The following SLC7A2 variants were observed in gnomAD, a reference collection of about 807,000 sequenced individuals.
SLC7A2 encodes the protein solute carrier family 7 member 2.
SLC7A2 carries 48 observed loss-of-function variants against 58.9 expected under a neutral mutation model. That is an observed-to-expected ratio of 0.82 (90% CI 0.65 to 1.04). SLC7A2 has a LOEUF of 1.04. Among genes scored for constraint, SLC7A2 ranks in the 50% least tolerant of loss-of-function variants. SLC7A2 has a pLI of 0.00. For synonymous variants in SLC7A2, 363 were observed against 314.5 expected (o/e 1.15, Z -1.63); for missense variants, 1,029 against 818.8 (o/e 1.26, Z -3.13).
chr8:17,540,255 C>G (rs182319579), intron 2 of SLC7A2, among the ~76,000 whole-genome samples: 7 of 152,258 alleles, frequency 4.6e-5, no homozygotes, highest in Admixed American at 3.3e-4. Context: ...TGCATTGTGG[C>G]TTTTGCAATC....
intron 4 of SLC7A2, among the ~76,000 whole-genome samples, chr8:17,547,139 AAG>A (rs747567253): frequency 1.3e-5 from 2 of 152,208 alleles, no homozygotes; most frequent in Non-Finnish European, 2.9e-5. Context: ...AGAAATACCC[AAG>A]ACTTGGTAAT....
At chr8:17,549,721 G>A (rs960111886) in intron 5 of SLC7A2, among the ~76,000 whole-genome samples, 2 of 152,248 alleles carry the variant, frequency 1.3e-5, no homozygotes, top group African/African-American at 4.8e-5. Context: ...ACACCTGTAT[G>A]TTTTTCTTGA....
intron 2 of SLC7A2, among the ~76,000 whole-genome samples, chr8:17,521,038 C>T (rs1003161720): frequency 1.3e-5 from 2 of 151,974 alleles, no homozygotes; most frequent in African/African-American, 4.8e-5. Flanking sequence ...CACATAGTAC[C>T]ATAATGATAG....
chr8:17,503,094 A>C (rs970864966), intron 2 of SLC7A2, among the ~76,000 whole-genome samples: 1 of 152,058 alleles, frequency 6.6e-6, no homozygotes, highest in Non-Finnish European at 1.5e-5. Context: ...TCTGTCACCC[A>C]GGCTGGAGTG....
At chr8:17,542,512 G>A (rs896478740) in intron 2 of SLC7A2, among the ~76,000 whole-genome samples, 5 of 152,118 alleles carry the variant, frequency 3.3e-5, no homozygotes, top group South Asian at 2.1e-4. Flanking sequence ...TTACCCGAGC[G>A]TGGTGGCACA....
chr8:17,516,971 A>G (rs1479482536), intron 2 of SLC7A2, among the ~76,000 whole-genome samples: 1 of 152,206 alleles, frequency 6.6e-6, no homozygotes, highest in African/African-American at 2.4e-5. Flanking sequence ...TGTCCCCACA[A>G]TCAACACTGA....
intron 8 of SLC7A2, among the ~76,000 whole-genome samples, chr8:17,557,270 T>C (rs1802751332): frequency 6.6e-6 from 1 of 152,230 alleles, no homozygotes; most frequent in Admixed American, 6.5e-5. Context: ...CAGAAAACTA[T>C]ATGCTAAATT....
At chr8:17,521,120 T>A (rs954525808) in intron 2 of SLC7A2, among the ~76,000 whole-genome samples, 4 of 150,726 alleles carry the variant, frequency 2.7e-5, no homozygotes, top group African/African-American at 7.5e-5. Flanking sequence ...TCTTCTACTA[T>A]TTTTTTTGGT....
At chr8:17,548,638 C>T (rs756204991) in intron 4 of SLC7A2, 40 bp from the exon 5 acceptor site, 65 of 1,509,118 alleles carry the variant, frequency 4.3e-5, no homozygotes, top group Non-Finnish European at 5.7e-5. Flanking sequence ...TATTGCCTTT[C>T]CTAAAGCTAA....
At position 17,569,355 on chromosome 8, in the gene SLC7A2, G is replaced by C. The variant is rs1585285558; in HGVS notation, c.*4209G>C. Reference sequence around the variant, plus strand: ...TCATGTGAAATTAACTGTCCTTTTTGCTAGTGCCAAAACAGTGCCTTCTCT... The same window carrying C: ...TCATGTGAAATTAACTGTCCTTTTTCCTAGTGCCAAAACAGTGCCTTCTCT... On this transcript the variant is annotated 3_prime_UTR_variant, in exon 13 of 13. Coordinates refer to ENST00000494857, the MANE Select transcript of SLC7A2 (RefSeq NM_001370338.1). 3 of 152,130 alleles carry C rather than the reference G, an allele frequency of 2.0e-5. No individual in the cohort carries two copies. Among genetic ancestry groups the C allele is most frequent in the Admixed American group, 1.3e-4 (2 of 15,274 alleles). 9.4% of individuals were successfully genotyped at this position (152,130 alleles called of 1,614,324 possible).
At chr8:17,538,469 G>C (rs1801766692) in intron 2 of SLC7A2, among the ~76,000 whole-genome samples, 1 of 152,188 alleles carries the variant, frequency 6.6e-6, no homozygotes, top group Admixed American at 6.5e-5. Flanking sequence ...GCTAATCAAG[G>C]CTGAACAGTT....
chr8:17,501,784 G>A (rs1396914484), intron 1 of SLC7A2, among the ~76,000 whole-genome samples: 1 of 151,680 alleles, frequency 6.6e-6, no homozygotes, highest in Non-Finnish European at 1.5e-5. Flanking sequence ...GCACTGCTGC[G>A]TACTAGCCCC....
rs866518875 is a variant in SLC7A2 at position 17,567,496 on chromosome 8, T to C, written c.*2350T>C. The stretch of plus-strand genomic sequence containing the variant: ...TGCTTTGTCAGCCACTGTGCCTTTT[T>C]TTCTGTGAAGACTCAACGGATGTGT... On this transcript the variant is annotated 3_prime_UTR_variant, in exon 13 of 13. Transcript: ENST00000494857. 3.9e-5 allele frequency: 6 copies of C among 152,680 alleles called. No homozygotes were observed. The highest frequency in any genetic ancestry group is 1.9e-4 in the East Asian group (1 of 5,202). The allele number at this position is 152,680 out of a possible 1,614,324, so 9.5% of individuals were successfully genotyped here.
At chr8:17,560,075 C>A (rs1051448695) in intron 9 of SLC7A2, among the ~76,000 whole-genome samples, 1 of 152,140 alleles carries the variant, frequency 6.6e-6, no homozygotes, top group African/African-American at 2.4e-5. Context: ...TTTACAATTT[C>A]ACTTTCTTGT....
chr8:17,550,470 G>A, intron 6 of SLC7A2, 36 bp downstream of exon 6: 2 of 1,594,676 alleles, frequency 1.3e-6, no homozygotes, highest in Non-Finnish European at 1.7e-6. Context: ...TAGAAGGAGT[G>A]TTCCTTGTTG....
rs1034753973 is a variant in SLC7A2, at chr8:17,548,664, C to T, written c.533-14C>T. 2 of 1,582,442 alleles carry T rather than the reference C, an allele frequency of 1.3e-6. No individual in the cohort carries two copies. Among genetic ancestry groups the T allele is most frequent in the Non-Finnish European group, 1.7e-6 (2 of 1,164,378 alleles). On this transcript the variant is annotated splice_polypyrimidine_tract_variant and intron_variant, in intron 4 of 12. Coordinates refer to ENST00000494857, the MANE Select transcript of SLC7A2 (RefSeq NM_001370338.1). ...CTAAAGCTAAATAAAAATTGAAATG[C>T]CCTTTTTCCATAGGTCTTTTGTCTT...
chr8:17,513,281 T>A (rs2150671424), intron 2 of SLC7A2, among the ~76,000 whole-genome samples: 1 of 152,304 alleles, frequency 6.6e-6, no homozygotes, highest in East Asian at 1.9e-4. Flanking sequence ...GACACAAGGA[T>A]CCCAATTTCT....
intron 2 of SLC7A2, among the ~76,000 whole-genome samples, chr8:17,504,828 AAG>A (rs1476458806): frequency 6.6e-6 from 1 of 152,220 alleles, no homozygotes; most frequent in African/African-American, 2.4e-5. Flanking sequence ...GGTCCAGAAA[AAG>A]AAAAGATTGC....
At chr8:17,529,367 C>T (rs983869932) in intron 2 of SLC7A2, among the ~76,000 whole-genome samples, 5 of 97,054 alleles carry the variant, frequency 5.2e-5, no homozygotes, top group African/African-American at 1.1e-4. Context: ...TTATGGCCAG[C>T]GAAATACTAT....
Sources: allele counts gnomAD v4.1 joint callset (sites outside exome capture counted in the v4.1 genomes callset), GRCh38; gene constraint gnomAD v4.1.1; transcripts MANE v1.5; gene names NCBI Gene and HGNC (gene_info 2026-07-23, HGNC 2026-07-21).